The following PHLPP2 variants were observed in gnomAD, a reference collection of about 807,000 sequenced individuals.
The protein encoded by PHLPP2 is PH domain leucine-rich repeat-containing protein phosphatase 2.
A neutral mutation model predicts 124.9 loss-of-function variants in PHLPP2; 66 were observed. The observed-to-expected ratio is 0.53, with a 90% CI of 0.43 to 0.65. The LOEUF (loss-of-function observed/expected upper bound fraction) is 0.65. Ranked by LOEUF, PHLPP2 falls within the 30% of genes least tolerant of loss-of-function variation. The pLI is 0.00. For missense variants in PHLPP2, 1,685 were observed against 1,600.4 expected, an observed-to-expected ratio of 1.05 and a Z score of -0.90; for synonymous variants, 681 against 624.7, an observed-to-expected ratio of 1.09 and a Z score of -1.34.
chr16:71,703,267 T>C (rs1407795024), intron 2 of PHLPP2, among the ~76,000 whole-genome samples: 2 of 152,196 alleles, frequency 1.3e-5, no homozygotes, highest in Non-Finnish European at 2.9e-5. Flanking sequence ...CCTTTATACT[T>C]TGGGGATCAC....
At chr16:71,698,316 T>C (rs1567625626) in intron 3 of PHLPP2, among the ~76,000 whole-genome samples, 1 of 152,174 alleles carries the variant, frequency 6.6e-6, no homozygotes, top group Non-Finnish European at 1.5e-5. Flanking sequence ...TTCATCTGCA[T>C]TGAACTTGGT....
At chr16:71,699,328 G>A (rs1181825830) in intron 3 of PHLPP2, among the ~76,000 whole-genome samples, 1 of 151,988 alleles carries the variant, frequency 6.6e-6, no homozygotes, top group African/African-American at 2.4e-5. Flanking sequence ...TTTACCAATC[G>A]AATGTTGCCT....
chr16:71,685,344 C>G (rs140298060), intron 4 of PHLPP2, among the ~76,000 whole-genome samples: 1 of 152,024 alleles, frequency 6.6e-6, no homozygotes, highest in Non-Finnish European at 1.5e-5. Flanking sequence ...AAAAGAAATT[C>G]TCCCCCAAAT....
Position 71,690,635 on chromosome 16 carries a change from G to A in PHLPP2, c.493C>T (p.Gln165Ter). 1.9e-6 allele frequency: 3 copies of A among 1,612,922 alleles called. No homozygotes were observed. The South Asian group carries it at 3.3e-5, about 18-fold the overall frequency. ...AGGCGCTCAGCCCACTTATGCAGCT[G>A]GGTCTTTCCCTTGCGTACATTATAG... is the stretch of plus-strand genomic sequence containing the variant. ...GIYNVRKGKT[Q>*]LHKWAERLVV... Residue 165 changes from glutamine (Q) to a stop codon, truncating the protein, a stop_gained, in exon 4 of 19, where the codon CAG (glutamine) becomes TAG (stop). Coordinates refer to ENST00000568954, the MANE Select transcript of PHLPP2 (RefSeq NM_015020.3). LOFTEE classifies it high-confidence loss of function.
chr16:71,702,062 G>T (rs16973435), intron 3 of PHLPP2, among the ~76,000 whole-genome samples: 14 of 152,090 alleles, frequency 9.2e-5, no homozygotes, highest in African/African-American at 3.4e-4. Flanking sequence ...GCATGTTACT[G>T]TTCCAAGTTT....
chr16:71,692,312 G>A (rs960437985), intron 3 of PHLPP2, among the ~76,000 whole-genome samples: 10 of 152,022 alleles, frequency 6.6e-5, no homozygotes, highest in South Asian at 2.1e-4. Context: ...CTCGTGATCC[G>A]CCTGCCTCGG....
At chr16:71,705,316 C>T (rs1195901023) in intron 2 of PHLPP2, among the ~76,000 whole-genome samples, 2 of 152,110 alleles carry the variant, frequency 1.3e-5, no homozygotes, top group African/African-American at 2.4e-5. Context: ...ATAAGGACCA[C>T]GTATTCAGGA....
At chr16:71,662,180 C>T (rs905038626) in intron 13 of PHLPP2, among the ~76,000 whole-genome samples, 2 of 151,468 alleles carry the variant, frequency 1.3e-5, no homozygotes, top group African/African-American at 4.8e-5. Context: ...ACCTGTAATC[C>T]CAGTACTTTG....
intron 3 of PHLPP2, among the ~76,000 whole-genome samples, chr16:71,697,599 T>C (rs982708897): frequency 6.6e-5 from 10 of 152,206 alleles, no homozygotes; most frequent in African/African-American, 1.9e-4. Flanking sequence ...TGTAATTCTT[T>C]TGCGTCTGGC....
rs533926500 is a variant in PHLPP2, at chr16:71,689,222, A to T, written c.609+1297T>A. 2.1e-4 allele frequency among the ~76,000 whole-genome samples: 32 copies of T among 151,238 alleles called. No individual in the cohort carries two copies. In the South Asian group the frequency reaches 2.7e-3, roughly 13 times the overall value. Reference sequence around the variant, plus strand: ...TAGGTCTTTTCATATTTTTATTATTATTTTTTTTAAGAGACAGGGACTCAC... The same window carrying T: ...TAGGTCTTTTCATATTTTTATTATTTTTTTTTTTAAGAGACAGGGACTCAC... On this transcript the variant is annotated intron_variant, in intron 4 of 18. Coordinates refer to ENST00000568954, the MANE Select transcript of PHLPP2 (RefSeq NM_015020.3).
At chr16:71,665,161 A>G (rs1348693101) in intron 12 of PHLPP2, among the ~76,000 whole-genome samples, 3 of 151,980 alleles carry the variant, frequency 2.0e-5, no homozygotes, top group Non-Finnish European at 4.4e-5. Context: ...TACAAAAAAA[A>G]AGCTGAGTGT....
At chr16:71,689,279 G>A (rs937996472) in intron 4 of PHLPP2, among the ~76,000 whole-genome samples, 8 of 150,842 alleles carry the variant, frequency 5.3e-5, no homozygotes, top group African/African-American at 2.0e-4. Context: ...ACGGTAGCAC[G>A]ATCACAGCTC....
At chr16:71,712,309 T>C (rs1037842140) in intron 2 of PHLPP2, among the ~76,000 whole-genome samples, 3 of 152,222 alleles carry the variant, frequency 2.0e-5, no homozygotes, top group African/African-American at 4.8e-5. Context: ...TAATCAATTA[T>C]ACCTTCAAAG....
intron 6 of PHLPP2, among the ~76,000 whole-genome samples, chr16:71,680,035 A>C (rs1476287128): frequency 6.6e-6 from 1 of 151,832 alleles, no homozygotes; most frequent in Non-Finnish European, 1.5e-5. Context: ...GTGAGCCGAC[A>C]TTGCGCCACT....
At chr16:71,698,576 T>C (rs1402937446) in intron 3 of PHLPP2, 6 of 632,296 alleles carry the variant, frequency 9.5e-6, no homozygotes, top group African/African-American at 1.8e-5. Flanking sequence ...GGCCTGTCTC[T>C]AAGGTCCCTT....
chr16:71,697,814 TC>T (rs2045188507), intron 3 of PHLPP2, among the ~76,000 whole-genome samples: 1 of 145,950 alleles, frequency 6.9e-6, no homozygotes, highest in Non-Finnish European at 1.5e-5. Context: ...TCTCTCTCTC[TC>T]TCTTTTTTTT....
chr16:71,678,805 C>A lies in PHLPP2; in HGVS notation c.1218G>T (p.Leu406=). ...TCATCCTATTCAGCACCCCTAAGTT[C>A]AGGACTTCCAGGCAATTTCCTGCCA... ...VVMAGNCLEV[L]NLGVLNRMNH... The change falls in exon 8 of 19, where the codon CTG becomes CTT. Residue 406 remains leucine (L), a synonymous_variant. Transcript: ENST00000568954. 1 of 1,612,342 alleles carries A rather than the reference C, an allele frequency of 6.2e-7. No homozygotes were observed. Among genetic ancestry groups the A allele is most frequent in the South Asian group, 1.1e-5 (1 of 91,036 alleles).
chr16:71,663,856 A>G, intron 13 of PHLPP2, 43 bp downstream of exon 13: 1 of 1,395,186 alleles, frequency 7.2e-7, no homozygotes, highest in Non-Finnish European at 1.0e-6. Context: ...ATATAGAATT[A>G]ATGTTGTGTA....
chr16:71,685,234 G>A (rs181855427), intron 4 of PHLPP2, among the ~76,000 whole-genome samples: 2,437 of 152,354 alleles, frequency 0.016, 29 homozygotes, highest in Non-Finnish European at 0.024. Context: ...GGCTGAGGCA[G>A]GAGAATCGCT....
Sources: allele counts gnomAD v4.1 joint callset (sites outside exome capture counted in the v4.1 genomes callset), GRCh38; gene constraint gnomAD v4.1.1; transcripts MANE v1.5; gene names NCBI Gene and HGNC (gene_info 2026-07-23, HGNC 2026-07-21).